Variants in GLMN observed in about 807,000 individuals in gnomAD.
GLMN encodes glomulin.
GLMN carries 75 observed loss-of-function variants against 87.8 expected under a neutral mutation model. That is an observed-to-expected ratio of 0.85 (90% CI 0.71 to 1.04). The LOEUF is 1.04. Among genes scored for constraint, GLMN ranks in the 50% least tolerant of loss-of-function variants. The pLI is 0.00. For synonymous variants in GLMN, 206 were observed against 221.6 expected, an observed-to-expected ratio of 0.93 and a Z score of 0.63; for missense variants, 588 against 658.8, an observed-to-expected ratio of 0.89 and a Z score of 1.18.
intron 7 of GLMN, among the ~76,000 whole-genome samples, chr1:92,277,738 A>G (rs1368495209): frequency 6.6e-6 from 1 of 152,178 alleles, no homozygotes; most frequent in East Asian, 1.9e-4. Context: ...CAGGCAGGGT[A>G]TGGAAACTTG....
At chr1:92,357,065 CAA>C in the GLMN span, among the ~76,000 whole-genome samples, 4 of 117,030 alleles carry the variant, frequency 3.4e-5, no homozygotes, top group Admixed American at 9.0e-5. Context: ...GACTCTGTCT[CAA>C]AAAAAAAAAA....
chr1:92,293,347 T>C (rs1163220086), intron 3 of GLMN, among the ~76,000 whole-genome samples: 2 of 152,120 alleles, frequency 1.3e-5, no homozygotes. Flanking sequence ...CCCTCATATA[T>C]TGTCGCGACA....
intron 16 of GLMN, among the ~76,000 whole-genome samples, chr1:92,257,185 A>T (rs910550820): frequency 1.3e-5 from 2 of 152,172 alleles, no homozygotes; most frequent in African/African-American, 4.8e-5. Flanking sequence ...CTAAGAATCC[A>T]ACTTGCAAGG....
chr1:92,258,758 C>G (rs533087409), intron 16 of GLMN, among the ~76,000 whole-genome samples: 2 of 151,798 alleles, frequency 1.3e-5, no homozygotes, highest in Non-Finnish European at 2.9e-5. Flanking sequence ...TGTCAGGGTT[C>G]GGGGGCTAGG....
intron 16 of GLMN, among the ~76,000 whole-genome samples, chr1:92,257,565 C>T (rs971187294): frequency 1.3e-5 from 2 of 152,082 alleles, no homozygotes; most frequent in African/African-American, 4.8e-5. Context: ...ATCAATGGAA[C>T]AGAACAGAGG....
chr1:92,252,662 GAGAATA>G (rs1253350295), intron 16 of GLMN, among the ~76,000 whole-genome samples: 2 of 152,100 alleles, frequency 1.3e-5, no homozygotes, highest in African/African-American at 4.8e-5. Context: ...AAGAAGCTGT[GAGAATA>G]AGAATATTTT....
At chr1:92,294,684 G>T (rs920152178) in intron 3 of GLMN, among the ~76,000 whole-genome samples, 27 of 151,642 alleles carry the variant, frequency 1.8e-4, no homozygotes, top group Non-Finnish European at 8.8e-5. Context: ...TCAGTTTTTT[G>T]TTGTTGTTGT....
intron 5 of GLMN, among the ~76,000 whole-genome samples, chr1:92,289,357 G>A (rs1649137777): frequency 2.0e-5 from 3 of 152,078 alleles, no homozygotes; most frequent in South Asian, 2.1e-4. Context: ...ATGCTGTTTA[G>A]GTTATGTTTA....
intron 13 of GLMN, among the ~76,000 whole-genome samples, chr1:92,265,712 G>A (rs1655563326): frequency 6.6e-6 from 1 of 152,120 alleles, no homozygotes; most frequent in Non-Finnish European, 1.5e-5. Context: ...AAGGGTGAAG[G>A]CTGCAGTGAG....
At position 92,269,776 on chromosome 1, in the gene GLMN, G is replaced by T; in HGVS notation, c.924C>A (p.Ser308Arg). 6.3e-7 allele frequency: 1 copy of T among 1,590,734 alleles called. No individual in the cohort carries two copies. ...TATTAAACTGCAAAAGGTACAATGG[G>T]CTAAAATAGAAACAAAACAAATATA... Reference protein sequence around the residue: ...IHIDQLPMVLSPLYLLQFNMG... With the variant: ...IHIDQLPMVLRPLYLLQFNMG... Residue 308 changes from serine (S) to arginine (R), a missense_variant and splice_region_variant, in exon 9 of 19, where the codon AGC becomes AGA. Coordinates refer to ENST00000370360, the MANE Select transcript of GLMN (RefSeq NM_053274.3).
intron 5 of GLMN, 55 bp from the exon 6 acceptor site, chr1:92,289,206 A>G: frequency 9.9e-7 from 1 of 1,009,084 alleles, no homozygotes; most frequent in Admixed American, 1.7e-5. Flanking sequence ...GGGACAAGAA[A>G]TTCGGCAAAT....
chr1:92,326,258 T>C, the GLMN span, among the ~76,000 whole-genome samples: 1 of 152,202 alleles, frequency 6.6e-6, no homozygotes, highest in Non-Finnish European at 1.5e-5. Flanking sequence ...TGATGATGAA[T>C]AAATTCAGCA....
In GLMN at chr1:92,258,462, A is replaced by T. The variant is rs112941357; in HGVS notation, c.1473+4401T>A. ...TAAAGACACATGCACATGTATGTTT[A>T]CTGCAGCACTATTCACAATAGCAAA... On this transcript the variant is annotated intron_variant, in intron 16 of 18. Transcript: ENST00000370360. Among the ~76,000 whole-genome samples, 1,206 of 152,338 alleles carry T rather than the reference A, an allele frequency of 7.9e-3. 13 individuals carry two copies. The highest frequency in any genetic ancestry group is 0.028 in the African/African-American group (1,154 of 41,580).
At chr1:92,248,869 T>C (rs1211341946) in intron 16 of GLMN, among the ~76,000 whole-genome samples, 2 of 152,214 alleles carry the variant, frequency 1.3e-5, no homozygotes, top group African/African-American at 2.4e-5. Context: ...CCTATACTAA[T>C]AGGAAAAGTA....
chr1:92,253,888 C>T (rs1653873378), intron 16 of GLMN, among the ~76,000 whole-genome samples: 2 of 152,144 alleles, frequency 1.3e-5, no homozygotes, highest in African/African-American at 4.8e-5. Flanking sequence ...TCCTTGCCAG[C>T]AAGGGAACAA....
chr1:92,301,650 C>A (rs1219206486), upstream of GLMN: 4 of 638,562 alleles, frequency 6.3e-6, no homozygotes, highest in Non-Finnish European at 1.0e-5. Flanking sequence ...ATCTGTGCAG[C>A]ATGAAACTTC....
chr1:92,329,251 G>A, the GLMN span, among the ~76,000 whole-genome samples: 1 of 152,228 alleles, frequency 6.6e-6, no homozygotes, highest in South Asian at 2.1e-4. Context: ...CGGCTACCAG[G>A]GCCAGTAGAG....
rs1281880063 is a variant in GLMN, at chr1:92,290,293, T to C, written c.299A>G (p.Lys100Arg). 6.3e-7 allele frequency: 1 copy of C among 1,584,306 alleles called. No homozygotes were observed. The highest frequency in any genetic ancestry group is 8.7e-7 in the Non-Finnish European group (1 of 1,153,230). ...FDLLVKLCNPKELLLGLLELI... is the reference protein window; with the variant it reads ...FDLLVKLCNPRELLLGLLELI... ...TTCAAGCAAACCCAACAATAATTCC[T>C]TTGGATTGCATAACTATAAAAATAT... The change falls in exon 5 of 19, where the codon AAG becomes AGG. Residue 100 changes from lysine (K) to arginine (R), a missense_variant. By Grantham distance (26) the Lys-to-Arg change is conservative (BLOSUM62 2). Transcript: ENST00000370360.
the GLMN span, among the ~76,000 whole-genome samples, chr1:92,355,443 C>T: frequency 6.6e-6 from 1 of 152,196 alleles, no homozygotes; most frequent in East Asian, 1.9e-4. Flanking sequence ...TCAAAGGCTT[C>T]TGAAAGAGAT....
Sources: gnomAD v4.1 joint callset for allele counts (sites outside exome capture counted in the v4.1 genomes callset) on GRCh38, gnomAD v4.1.1 for gene constraint, MANE v1.5 for transcripts, NCBI Gene and HGNC (gene_info 2026-07-23, HGNC 2026-07-21) for gene names.